The following KCNK10 variants were observed in gnomAD, a reference collection of about 807,000 sequenced individuals.
The protein encoded by KCNK10 is potassium channel subfamily K member 10.
KCNK10 carries 25 observed loss-of-function variants against 47.7 expected under a neutral mutation model. The ratio of observed to expected loss-of-function variants is 0.52; its 90% CI spans 0.38 to 0.73. The LOEUF is 0.73. KCNK10 is among the 30% of genes least tolerant of loss of function. The pLI is 0.00. For synonymous variants in KCNK10, 303 were observed against 285.6 expected (o/e 1.06, Z -0.61); for missense variants, 563 against 714.5 (o/e 0.79, Z 2.42).
chr14:88,303,648 T>A (rs1319765560), intron 1 of KCNK10, among the ~76,000 whole-genome samples: 1 of 152,060 alleles, frequency 6.6e-6, no homozygotes, highest in Non-Finnish European at 1.5e-5. Flanking sequence ...GTCCCCAGCA[T>A]AAGCAGAAGG....
intron 4 of KCNK10, among the ~76,000 whole-genome samples, chr14:88,200,858 C>T (rs989919817): frequency 6.6e-6 from 1 of 152,186 alleles, no homozygotes; most frequent in Admixed American, 6.5e-5. Flanking sequence ...AATAATTAAT[C>T]ACAGCTTGTG....
intron 2 of KCNK10, among the ~76,000 whole-genome samples, chr14:88,249,574 C>T (rs8017823): frequency 0.034 from 5,170 of 152,228 alleles, 290 homozygotes; most frequent in African/African-American, 0.12. Flanking sequence ...TGTAACTATC[C>T]ACTAGAGTAG....
At chr14:88,325,316 A>AG (rs1343994547), upstream of KCNK10, among the ~76,000 whole-genome samples, 1 of 152,176 alleles carries the variant, frequency 6.6e-6, no homozygotes, top group African/African-American at 2.4e-5. Flanking sequence ...AGAGTCAGAG[A>AG]GGGGCTTCAG....
Position 88,248,024 on chromosome 14 carries a change from G to A in KCNK10, c.403-7204C>T, listed in dbSNP as rs375813786. On this transcript the variant is annotated intron_variant, in intron 2 of 6. Transcript: ENST00000319231. ...GATCAATAAACTTTCAGACTAACAA[G>A]CTGTCACTCTTTCATCTCAGTTTGG... 3.6e-3 allele frequency among the ~76,000 whole-genome samples: 549 copies of A among 152,254 alleles called. 2 individuals are homozygous for A. The highest frequency in any genetic ancestry group is 6.8e-3 in the Middle Eastern group (2 of 292).
intron 1 of KCNK10, among the ~76,000 whole-genome samples, chr14:88,278,856 A>G (rs1887585383): frequency 6.6e-6 from 1 of 152,226 alleles, no homozygotes; most frequent in South Asian, 2.1e-4. Flanking sequence ...GTAGCAGATG[A>G]TCAGCCTGGC....
intron 5 of KCNK10, among the ~76,000 whole-genome samples, chr14:88,189,449 G>T (rs1443820370): frequency 6.6e-6 from 1 of 152,218 alleles, no homozygotes. Flanking sequence ...AGAGAAATCT[G>T]TAGCTTTCTC....
At chr14:88,214,090 C>G (rs533182222) in intron 4 of KCNK10, among the ~76,000 whole-genome samples, 28 of 151,936 alleles carry the variant, frequency 1.8e-4, no homozygotes, top group Non-Finnish European at 3.2e-4. Flanking sequence ...CAGGCATGCA[C>G]CACCACACCT....
intron 1 of KCNK10, among the ~76,000 whole-genome samples, chr14:88,269,044 A>G (rs1387091010): frequency 6.6e-6 from 1 of 152,198 alleles, no homozygotes; most frequent in East Asian, 1.9e-4. Context: ...AGGCTGAGGC[A>G]GAAGAATCAC....
intron 4 of KCNK10, among the ~76,000 whole-genome samples, chr14:88,218,696 G>A (rs185951076): frequency 1.2e-4 from 19 of 152,230 alleles, no homozygotes; most frequent in Admixed American, 1.1e-3. Flanking sequence ...CCAAGAAAAT[G>A]AGAATCAGTC....
chr14:88,217,132 G>C (rs1362774433), intron 4 of KCNK10, among the ~76,000 whole-genome samples: 1 of 152,204 alleles, frequency 6.6e-6, no homozygotes, highest in Non-Finnish European at 1.5e-5. Context: ...CCTCCAGCCT[G>C]GGCAACAGAG....
At position 88,180,980 on chromosome 14, in the gene KCNK10, G is replaced by T. The variant is rs1884327573; in HGVS notation, c.*4555C>A. On this transcript the variant is annotated 3_prime_UTR_variant, in exon 7 of 7. Coordinates refer to ENST00000319231, the MANE Select transcript of KCNK10 (RefSeq NM_138317.3). ...AGCTCTTACTGTTCACTCAGCCACT[G>T]TCTTTGCACACAATTGCATCCTAAC... 2.5e-6 allele frequency: 1 copy of T among 396,906 alleles called. No homozygotes were observed. Among genetic ancestry groups the T allele is most frequent in the African/African-American group, 2.1e-5 (1 of 48,616 alleles). 24.6% of individuals were successfully genotyped at this position (396,906 alleles called of 1,614,324 possible).
In KCNK10 at chr14:88,185,647, G is replaced by A. The variant is rs1220651743; in HGVS notation, c.1520C>T (p.Ala507Val). 6.2e-7 allele frequency: 1 copy of A among 1,614,186 alleles called. No homozygotes were observed. The highest frequency in any genetic ancestry group is 1.1e-5 in the South Asian group (1 of 91,080). Residue 507 changes from alanine (A) to valine (V), a missense_variant, in exon 7 of 7, where the codon GCC becomes GTC. Ala to Val is a moderately conservative substitution (Grantham distance 64). Transcript: ENST00000319231. The surrounding 1 kb of genome is among the most constrained non-coding windows in gnomAD (Gnocchi z 4.3). ...CTGCTGGATACAGTCCGTCAGCATG[G>A]CTGTGCTGGAGTTGTCTGAGTTACA... Reference protein sequence around the residue: ...KMCNSDNSSTAMLTDCIQQHA... With the variant: ...KMCNSDNSSTVMLTDCIQQHA...
At chr14:88,309,263 C>T (rs1481998177) in intron 1 of KCNK10, among the ~76,000 whole-genome samples, 1 of 152,230 alleles carries the variant, frequency 6.6e-6, no homozygotes, top group Non-Finnish European at 1.5e-5. Flanking sequence ...GTAGAGCCTA[C>T]TGCTCTTTCT....
intron 2 of KCNK10, among the ~76,000 whole-genome samples, chr14:88,254,828 G>A (rs1336108319): frequency 6.6e-6 from 1 of 152,168 alleles, no homozygotes; most frequent in Non-Finnish European, 1.5e-5. Flanking sequence ...CCAAAGAAAT[G>A]CAAGTACTCC....
chr14:88,320,261 T>C (rs1328254371), intron 1 of KCNK10, among the ~76,000 whole-genome samples: 2 of 152,218 alleles, frequency 1.3e-5, no homozygotes, highest in Non-Finnish European at 2.9e-5. Context: ...TTGTTATTTT[T>C]ATTGAGGTTT....
chr14:88,192,310 T>G lies in KCNK10; in HGVS notation c.782A>C (p.Lys261Thr), dbSNP rs1884775073. ...CAAGGCCGTCCAGCCCTCGATGTAC[T>G]TAAAGATGACAGCAGGGATCGTCAC... ...VFVTIPAVIF[K>T]YIEGWTALES... The change falls in exon 5 of 7, where the codon AAG becomes ACG. Residue 261 changes from lysine (K) to threonine (T), a missense_variant. Transcript: ENST00000319231. 8 of 1,614,010 alleles carry G rather than the reference T, an allele frequency of 5.0e-6. No homozygotes were observed. Among genetic ancestry groups the G allele is most frequent in the Non-Finnish European group, 6.8e-6 (8 of 1,180,026 alleles).
At chr14:88,292,623 T>TAG (rs946794195) in intron 1 of KCNK10, among the ~76,000 whole-genome samples, 1 of 151,742 alleles carries the variant, frequency 6.6e-6, no homozygotes, top group African/African-American at 2.4e-5. Context: ...AGTGCTGGGA[T>TAG]TACAGGTTTT....
intron 1 of KCNK10, among the ~76,000 whole-genome samples, chr14:88,299,620 T>G (rs1888055223): frequency 6.6e-6 from 1 of 152,166 alleles, no homozygotes; most frequent in South Asian, 2.1e-4. Context: ...ATATGCAACA[T>G]TTTTTTAATG....
intron 4 of KCNK10, among the ~76,000 whole-genome samples, chr14:88,213,210 T>C (rs1885516544): frequency 6.6e-6 from 1 of 152,094 alleles, no homozygotes; most frequent in Non-Finnish European, 1.5e-5. Context: ...TTCAGGAACC[T>C]AATTTGTTAG....
Sources: gnomAD v4.1 joint callset for allele counts (sites outside exome capture counted in the v4.1 genomes callset) on GRCh38, gnomAD v4.1.1 for gene constraint, Gnocchi (gnomAD v3.1) non-coding constraint, MANE v1.5 for transcripts, NCBI Gene and HGNC (gene_info 2026-07-23, HGNC 2026-07-21) for gene names.